The following GABBR2 variants were observed in gnomAD, a reference collection of about 807,000 sequenced individuals.
GABBR2 encodes the protein G-protein coupled receptor 51.
A neutral mutation model predicts 105.6 loss-of-function variants in GABBR2; 23 were observed. That is an observed-to-expected ratio of 0.22 (90% CI 0.16 to 0.31). GABBR2 has a LOEUF of 0.31. Among genes scored for constraint, GABBR2 ranks in the 10% least tolerant of loss-of-function variants. GABBR2 has a pLI of 1.00. For synonymous variants in GABBR2, 478 were observed against 499.7 expected, an observed-to-expected ratio of 0.96 and a Z score of 0.58; for missense variants, 734 against 1,245.5, an observed-to-expected ratio of 0.59 and a Z score of 6.18.
At chr9:98,599,532 A>T (rs1829287986) in intron 1 of GABBR2, among the ~76,000 whole-genome samples, 1 of 152,248 alleles carries the variant, frequency 6.6e-6, no homozygotes, top group Non-Finnish European at 1.5e-5. Context: ...ACACAGGGTG[A>T]GGGGCCAGTG....
At chr9:98,335,767 G>A (rs868140388) in intron 13 of GABBR2, among the ~76,000 whole-genome samples, 2 of 152,126 alleles carry the variant, frequency 1.3e-5, no homozygotes, top group Non-Finnish European at 2.9e-5. Context: ...GTTCAATCCA[G>A]CTACTGAGCA....
intron 13 of GABBR2, among the ~76,000 whole-genome samples, chr9:98,334,348 G>A (rs1181185269): frequency 4.6e-5 from 7 of 152,204 alleles, no homozygotes; most frequent in Non-Finnish European, 1.0e-4. Context: ...AGTGTGAATG[G>A]ATCAATCCCA....
intron 1 of GABBR2, among the ~76,000 whole-genome samples, chr9:98,598,773 G>A (rs914863791): frequency 2.0e-5 from 3 of 152,084 alleles, no homozygotes; most frequent in African/African-American, 4.8e-5. Context: ...CTCATCCAGC[G>A]AGCATGAACC....
chr9:98,427,976 C>T lies in GABBR2; in HGVS notation c.1237-21835G>A, dbSNP rs183100350. 1.3e-3 allele frequency among the ~76,000 whole-genome samples: 204 copies of T among 152,288 alleles called. 1 individual carries two copies. Among genetic ancestry groups the T allele is most frequent in the African/African-American group, 4.8e-3 (198 of 41,574 alleles). Reference sequence around the variant, plus strand: ...CTTGCCTGTATTATCCGAGAGACCCCAAGCCAGAACCTTACAGCTAAGTCA... The same window carrying T: ...CTTGCCTGTATTATCCGAGAGACCCTAAGCCAGAACCTTACAGCTAAGTCA... On this transcript the variant is annotated intron_variant, in intron 7 of 18. Transcript: ENST00000259455.
At chr9:98,323,999 G>A (rs1027258053) in intron 13 of GABBR2, among the ~76,000 whole-genome samples, 2 of 152,146 alleles carry the variant, frequency 1.3e-5, no homozygotes, top group Non-Finnish European at 2.9e-5. Context: ...AACCACCCTA[G>A]GAGGTTAGTA....
intron 11 of GABBR2, among the ~76,000 whole-genome samples, chr9:98,382,610 C>T (rs10986080): frequency 0.067 from 10,225 of 152,016 alleles, 436 homozygotes; most frequent in Non-Finnish European, 0.092. Flanking sequence ...CCACTGCACC[C>T]GGCCCCAGTA....
intron 1 of GABBR2, among the ~76,000 whole-genome samples, chr9:98,586,880 G>A (rs1290800795): frequency 6.6e-6 from 1 of 152,226 alleles, no homozygotes; most frequent in African/African-American, 2.4e-5. Context: ...CCAGCATTGT[G>A]TTTGGTTGCT....
At chr9:98,295,384 G>T (rs563586505) in intron 17 of GABBR2, among the ~76,000 whole-genome samples, 2 of 152,324 alleles carry the variant, frequency 1.3e-5, no homozygotes, top group Admixed American at 1.3e-4. Flanking sequence ...CAGCGCTGAA[G>T]TGCTGGCTAG....
At chr9:98,465,339 AAAG>A (rs1376355694) in intron 6 of GABBR2, among the ~76,000 whole-genome samples, 1 of 152,156 alleles carries the variant, frequency 6.6e-6, no homozygotes, top group African/African-American at 2.4e-5. Context: ...TAAAAAAAGA[AAAG>A]AAGAAAAGGA....
At chr9:98,559,975 AAC>A (rs3029105) in intron 2 of GABBR2, among the ~76,000 whole-genome samples, 3,594 of 150,166 alleles carry the variant, frequency 0.024, 129 homozygotes, top group East Asian at 0.15. Flanking sequence ...ATGAGGAACA[AAC>A]ACACACACAC....
intron 1 of GABBR2, among the ~76,000 whole-genome samples, chr9:98,663,657 TAAA>T (rs60374831): frequency 2.3e-5 from 3 of 130,214 alleles, no homozygotes; most frequent in Admixed American, 7.9e-5. Flanking sequence ...GCTGCCCCAC[TAAA>T]AAAAAAAAAA....
chr9:98,583,380 C>T (rs746565493), intron 1 of GABBR2, among the ~76,000 whole-genome samples: 13 of 152,218 alleles, frequency 8.5e-5, no homozygotes, highest in Non-Finnish European at 1.5e-4. Flanking sequence ...GGGCGTAAAG[C>T]CCAGCAGATA....
chr9:98,305,545 T>C (rs1461568659), intron 15 of GABBR2, among the ~76,000 whole-genome samples: 2 of 152,200 alleles, frequency 1.3e-5, no homozygotes, highest in Non-Finnish European at 2.9e-5. Context: ...CTGGGCGAGG[T>C]GGCTCATGCC....
At chr9:98,404,700 C>T (rs2131527355) in intron 8 of GABBR2, among the ~76,000 whole-genome samples, 1 of 152,206 alleles carries the variant, frequency 6.6e-6, no homozygotes, top group East Asian at 1.9e-4. Context: ...TCACATGGCC[C>T]TTGTCTGCAC....
intron 3 of GABBR2, among the ~76,000 whole-genome samples, chr9:98,537,069 C>A (rs546402678): frequency 1.3e-5 from 2 of 152,278 alleles, no homozygotes; most frequent in South Asian, 4.1e-4. Context: ...TCAACGCTGG[C>A]GACACACTGA....
chr9:98,652,074 T>C (rs963463890), intron 1 of GABBR2, among the ~76,000 whole-genome samples: 1 of 152,182 alleles, frequency 6.6e-6, no homozygotes, highest in Non-Finnish European at 1.5e-5. Flanking sequence ...CATGGGGTAT[T>C]CTGTCTACTA....
In GABBR2 at chr9:98,306,851, G is replaced by A. The variant is rs1349145018; in HGVS notation, c.2005-506C>T. Among the ~76,000 whole-genome samples, 2 of 152,178 alleles carry A rather than the reference G, an allele frequency of 1.3e-5. No homozygotes were observed. The highest frequency in any genetic ancestry group is 2.1e-4 in the South Asian group (1 of 4,826). On this transcript the variant is annotated intron_variant, in intron 14 of 18. Coordinates refer to ENST00000259455, the MANE Select transcript of GABBR2 (RefSeq NM_005458.8). This position sits in a 1 kb window ranked among gnomAD's most constrained non-coding sequence, Gnocchi z 5.4. The stretch of plus-strand genomic sequence containing the variant: ...AGCACACACAGACACCCAGAATAGC[G>A]ACTACATTTTTCAGCTGCCCTAGAG...
chr9:98,454,305 A>C lies in GABBR2; in HGVS notation c.1000-88T>G. 1 of 871,922 alleles carries C rather than the reference A, an allele frequency of 1.1e-6. No homozygotes were observed. The highest frequency in any genetic ancestry group is 2.0e-6 in the Non-Finnish European group (1 of 511,720). 54.0% of individuals were successfully genotyped at this position (871,922 alleles called of 1,614,324 possible). Reference sequence around the variant, plus strand: ...TGCCGAGAAGAGCTGCTATTCTTCAATGCCCACAGGGTGCCAGGTACAGTG... The same window carrying C: ...TGCCGAGAAGAGCTGCTATTCTTCACTGCCCACAGGGTGCCAGGTACAGTG... On this transcript the variant is annotated intron_variant, in intron 6 of 18. Transcript: ENST00000259455. The surrounding 1 kb of genome is among the most constrained non-coding windows in gnomAD (Gnocchi z 4.6).
rs139183086 is a variant in GABBR2, at chr9:98,406,508, C to T, written c.1237-367G>A. Among the ~76,000 whole-genome samples the T allele has an allele frequency of 5.4e-3, 827 of 152,338 alleles. 6 individuals are homozygous for T. Among genetic ancestry groups the T allele is most frequent in the Middle Eastern group, 0.01 (3 of 294 alleles). On this transcript the variant is annotated intron_variant, in intron 7 of 18. Coordinates refer to ENST00000259455, the MANE Select transcript of GABBR2 (RefSeq NM_005458.8). ...CGGCAAAGGTGAGGCCCTTTGGGCC[C>T]GGCCCTGACTCCTCTCCCTGTGCCC...
Sources: gnomAD v4.1 joint callset for allele counts (sites outside exome capture counted in the v4.1 genomes callset) on GRCh38, gnomAD v4.1.1 for gene constraint, Gnocchi (gnomAD v3.1) non-coding constraint, MANE v1.5 for transcripts, NCBI Gene and HGNC (gene_info 2026-07-23, HGNC 2026-07-21) for gene names.